SDHAF4: variants seen among roughly 807,000 people sequenced by gnomAD.
SDHAF4 encodes the protein succinate dehydrogenase complex assembly factor 4.
Under a neutral mutation model 14.3 loss-of-function variants are expected in SDHAF4, and 14 were observed. That is an observed-to-expected ratio of 0.98 (90% CI 0.65 to 1.53). The LOEUF (loss-of-function observed/expected upper bound fraction) is 1.53. SDHAF4 is among the 40% of genes most tolerant of loss of function. The pLI is 0.00. For missense variants in SDHAF4, 141 were observed against 129.3 expected, an observed-to-expected ratio of 1.09 and a Z score of -0.44; for synonymous variants, 63 against 47.3, an observed-to-expected ratio of 1.33 and a Z score of -1.36.
intron 2 of SDHAF4, among the ~76,000 whole-genome samples, chr6:70,583,005 A>G (rs1765152986): frequency 6.6e-6 from 1 of 152,244 alleles, no homozygotes; most frequent in South Asian, 2.1e-4. Context: ...GAGATAATGT[A>G]AATAACGATG....
At chr6:70,570,143 C>G (rs1802160900) in intron 1 of SDHAF4, among the ~76,000 whole-genome samples, 1 of 152,124 alleles carries the variant, frequency 6.6e-6, no homozygotes, top group African/African-American at 2.4e-5. Flanking sequence ...ATAATTATAG[C>G]CATAACTTTG....
intron 1 of SDHAF4, among the ~76,000 whole-genome samples, chr6:70,570,332 C>CT (rs956123321): frequency 3.3e-5 from 5 of 151,772 alleles, no homozygotes; most frequent in South Asian, 2.1e-4. Flanking sequence ...CTGTCTAATC[C>CT]TTTTTTTTGA....
At chr6:70,570,725 C>G (rs55795712) in intron 1 of SDHAF4, among the ~76,000 whole-genome samples, 26,274 of 151,842 alleles carry the variant, frequency 0.17, 2,319 homozygotes, top group Middle Eastern at 0.21. Context: ...GAATGCATTT[C>G]TTTTTATCAT....
the SDHAF4 span, chr6:70,596,581 C>T: frequency 1.9e-4 from 29 of 152,294 alleles, no homozygotes; most frequent in African/African-American, 6.7e-4. Context: ...TACAGTTTTT[C>T]AGAAAATGTC....
chr6:70,572,253 C>T (rs773987156), intron 1 of SDHAF4, among the ~76,000 whole-genome samples: 9 of 151,440 alleles, frequency 5.9e-5, no homozygotes, highest in Non-Finnish European at 8.8e-5. Flanking sequence ...TTAGTAGAGA[C>T]GAGGTTTCAC....
chr6:70,587,792 G>C (rs1338368464), intron 2 of SDHAF4, among the ~76,000 whole-genome samples: 1 of 152,194 alleles, frequency 6.6e-6, no homozygotes, highest in Non-Finnish European at 1.5e-5. Flanking sequence ...AGCCTGGCTT[G>C]TGATGGGGAT....
At chr6:70,598,154 G>T in the SDHAF4 span, among the ~76,000 whole-genome samples, 3 of 152,138 alleles carry the variant, frequency 2.0e-5, no homozygotes, top group Admixed American at 2.0e-4. Context: ...GAGGTGGGTG[G>T]ATCCCTTGAA....
intron 1 of SDHAF4, among the ~76,000 whole-genome samples, chr6:70,568,968 T>TTC (rs1554182563): frequency 2.2e-5 from 3 of 136,098 alleles, no homozygotes; most frequent in South Asian, 2.4e-4. Flanking sequence ...TTTTCTTTTT[T>TTC]TTTTTTTTTT....
downstream of SDHAF4, among the ~76,000 whole-genome samples, chr6:70,591,595 C>A (rs902992780): frequency 1.3e-5 from 2 of 152,076 alleles, no homozygotes; most frequent in East Asian, 3.9e-4. Context: ...TCCCAAAGTG[C>A]TGGGCCAGGT....
chr6:70,582,208 C>T (rs147747963), intron 2 of SDHAF4, among the ~76,000 whole-genome samples: 4 of 152,136 alleles, frequency 2.6e-5, no homozygotes, highest in Non-Finnish European at 4.4e-5. Context: ...GCTACAGGCA[C>T]GCACCACCAC....
chr6:70,588,737 T>G lies in SDHAF4; in HGVS notation c.*13T>G. 2 of 1,443,848 alleles carry G rather than the reference T, an allele frequency of 1.4e-6. No individual in the cohort carries two copies. The highest frequency in any genetic ancestry group is 1.9e-6 in the Non-Finnish European group (2 of 1,035,358). The allele number at this position is 1,443,848 out of a possible 1,614,324, so 89.4% of individuals were successfully genotyped here. A position where few individuals can be genotyped will look rare whatever the true frequency, so the allele number is the denominator to read the frequency against. On this transcript the variant is annotated 3_prime_UTR_variant, in exon 3 of 3. Coordinates refer to ENST00000370474, the MANE Select transcript of SDHAF4 (RefSeq NM_145267.3). Reference sequence around the variant, plus strand: ...TATTGATTTTTAAGTCGCATATTCTTTAACTTCAATATTGTTTTCTGAATA... The same window carrying G: ...TATTGATTTTTAAGTCGCATATTCTGTAACTTCAATATTGTTTTCTGAATA...
the SDHAF4 span, among the ~76,000 whole-genome samples, chr6:70,595,442 C>T: frequency 3.9e-5 from 6 of 152,182 alleles, no homozygotes. Flanking sequence ...TATCAGTTTT[C>T]TCTCTCAGTC....
At chr6:70,593,126 A>G (rs1036019953), downstream of SDHAF4, among the ~76,000 whole-genome samples, 1 of 152,176 alleles carries the variant, frequency 6.6e-6, no homozygotes, top group African/African-American at 2.4e-5. Flanking sequence ...GCCACTCCAA[A>G]AGGTCCAAGT....
At chr6:70,569,470 A>T (rs986378089) in intron 1 of SDHAF4, among the ~76,000 whole-genome samples, 1 of 151,914 alleles carries the variant, frequency 6.6e-6, no homozygotes, top group Non-Finnish European at 1.5e-5. Flanking sequence ...GGGTTTTGCC[A>T]TGAACTCAGG....
chr6:70,571,373 T>C (rs1395061023), intron 1 of SDHAF4, among the ~76,000 whole-genome samples: 4 of 152,176 alleles, frequency 2.6e-5, no homozygotes, highest in African/African-American at 9.7e-5. Context: ...TGGCCTGTAA[T>C]TTTCTTCTAT....
At chr6:70,594,639 G>A in the SDHAF4 span, among the ~76,000 whole-genome samples, 85 of 152,178 alleles carry the variant, frequency 5.6e-4, no homozygotes, top group Non-Finnish European at 1.0e-3. Flanking sequence ...TCAGCCGGGT[G>A]CAATGGCTCA....
intron 1 of SDHAF4, among the ~76,000 whole-genome samples, chr6:70,575,305 G>A (rs1284247294): frequency 6.6e-6 from 1 of 152,094 alleles, no homozygotes; most frequent in African/African-American, 2.4e-5. Context: ...TTGAACCCTG[G>A]AAGTGGAGGT....
chr6:70,567,164 G>C (rs1802108586), intron 1 of SDHAF4, among the ~76,000 whole-genome samples, 160 bp downstream of exon 1: 1 of 152,226 alleles, frequency 6.6e-6, no homozygotes, highest in African/African-American at 2.4e-5. Context: ...CGGTGGCCTG[G>C]GCAGGTTCCT....
intron 1 of SDHAF4, among the ~76,000 whole-genome samples, chr6:70,572,346 G>T (rs1316877152): frequency 6.6e-6 from 1 of 151,986 alleles, no homozygotes; most frequent in Non-Finnish European, 1.5e-5. Flanking sequence ...TATAAGTTAT[G>T]CAAAGGATAT....
Sources: gnomAD v4.1 joint callset for allele counts (sites outside exome capture counted in the v4.1 genomes callset) on GRCh38, gnomAD v4.1.1 for gene constraint, MANE v1.5 for transcripts, NCBI Gene and HGNC (gene_info 2026-07-23, HGNC 2026-07-21) for gene names.